UBAC2: variants seen among roughly 807,000 people sequenced by gnomAD.
The protein encoded by UBAC2 is UBA domain containing 2, also known as ubiquitin-associated domain-containing protein 2.
Under a neutral mutation model 44.0 loss-of-function variants are expected in UBAC2, and 26 were observed. That is an observed-to-expected ratio of 0.59 (90% CI 0.43 to 0.82). The LOEUF is 0.82. Ranked by LOEUF, UBAC2 falls within the 40% of genes least tolerant of loss-of-function variation. The pLI is 0.00. For missense variants in UBAC2, 329 were observed against 419.4 expected (o/e 0.78, Z 1.88); for synonymous variants, 155 against 154.3 (o/e 1.00, Z -0.04).
intron 6 of UBAC2, among the ~76,000 whole-genome samples, chr13:99,321,512 T>C (rs536380031): frequency 2.0e-5 from 3 of 152,190 alleles, no homozygotes; most frequent in Admixed American, 6.5e-5. Flanking sequence ...GGTTTCACCA[T>C]GTTGGCCAGG....
intron 1 of UBAC2, among the ~76,000 whole-genome samples, chr13:99,210,568 C>G (rs1354831344): frequency 6.7e-6 from 1 of 149,364 alleles, no homozygotes; most frequent in Non-Finnish European, 1.5e-5. Context: ...ACCTCCGCCT[C>G]CTGGGTTCAA....
At chr13:99,313,921 T>A (rs527708249) in intron 4 of UBAC2, among the ~76,000 whole-genome samples, 176 bp from the exon 5 acceptor site, 1 of 152,348 alleles carries the variant, frequency 6.6e-6, no homozygotes, top group East Asian at 1.9e-4. Flanking sequence ...TTTCATAAAG[T>A]GTTCTATAAG....
intron 4 of UBAC2, among the ~76,000 whole-genome samples, chr13:99,251,870 G>A (rs1042219648): frequency 6.6e-6 from 1 of 152,150 alleles, no homozygotes; most frequent in African/African-American, 2.4e-5. Flanking sequence ...GGGTAGCACC[G>A]AGAATTAAAG....
intron 4 of UBAC2, among the ~76,000 whole-genome samples, chr13:99,311,989 T>C (rs960569145): frequency 2.0e-5 from 3 of 152,264 alleles, no homozygotes; most frequent in African/African-American, 7.2e-5. Context: ...CACATCTCTG[T>C]GTCCCCAGTC....
intron 4 of UBAC2, among the ~76,000 whole-genome samples, chr13:99,298,580 T>TATACAAACAGAAAAAATATACAAAC (rs2044211300): frequency 6.6e-6 from 1 of 152,090 alleles, no homozygotes; most frequent in African/African-American, 2.4e-5. Context: ...TTCAAGAAGC[T>TATACAAACAGAAAAAATATACAAAC]AGAAAAGAAC....
chr13:99,207,642 G>T (rs376506613), intron 1 of UBAC2, among the ~76,000 whole-genome samples: 1 of 152,168 alleles, frequency 6.6e-6, no homozygotes, highest in East Asian at 1.9e-4. Flanking sequence ...TTGGTAGGGA[G>T]CCTTGGGCCA....
At chr13:99,255,543 C>G (rs1381533455) in intron 4 of UBAC2, 1 of 1,614,132 alleles carries the variant, frequency 6.2e-7, no homozygotes, top group South Asian at 1.1e-5. Flanking sequence ...AGGCAAGAAG[C>G]CATAAAGCAA....
chr13:99,242,680 G>T (rs1313641338), intron 2 of UBAC2, among the ~76,000 whole-genome samples: 21 of 1,812 alleles, frequency 0.012, no homozygotes, highest in African/African-American at 0.036. Flanking sequence ...CCGGGCGGGG[G>T]GCTGACCCCC....
intron 4 of UBAC2, chr13:99,312,872 G>T (rs1032579096): frequency 3.9e-5 from 6 of 153,350 alleles, no homozygotes; most frequent in African/African-American, 1.2e-4. Context: ...TGATGAAAGC[G>T]AACTGGGGAG....
chr13:99,253,123 TTATGTA>T (rs1330671584), intron 4 of UBAC2, among the ~76,000 whole-genome samples: 2 of 150,348 alleles, frequency 1.3e-5, no homozygotes, highest in Non-Finnish European at 3.0e-5. Context: ...TAAAGGTACT[TTATGTA>T]TATAAAATAT....
At chr13:99,348,071 G>A (rs2045019160) in intron 7 of UBAC2, among the ~76,000 whole-genome samples, 2 of 152,090 alleles carry the variant, frequency 1.3e-5, no homozygotes, top group African/African-American at 2.4e-5. Context: ...GAGTCATTTT[G>A]CTACTTGCAG....
chr13:99,334,661 GA>G (rs1278650289), intron 6 of UBAC2, among the ~76,000 whole-genome samples: 1 of 151,964 alleles, frequency 6.6e-6, no homozygotes, highest in African/African-American at 2.4e-5. Context: ...ATATATAGCT[GA>G]AAAAAACCAA....
chr13:99,219,502 C>T (rs1039518321), intron 1 of UBAC2, among the ~76,000 whole-genome samples: 4 of 152,176 alleles, frequency 2.6e-5, no homozygotes. Context: ...CCCTGCAGCC[C>T]ATGGGCCATA....
chr13:99,369,185 A>C (rs980340520), intron 8 of UBAC2, among the ~76,000 whole-genome samples: 24 of 152,352 alleles, frequency 1.6e-4, no homozygotes, highest in African/African-American at 5.5e-4. Flanking sequence ...CAAGCATCGT[A>C]ATAAAAATCC....
rs75163487 is a variant in UBAC2, at chr13:99,275,286, G to A, written c.389+30662G>A. ...AGACTCACAGTGCTGTTGGCAGGAAGCCTCAGCTCCTCACCACGGAGCTGC... is the reference window on the plus strand; with the variant it reads ...AGACTCACAGTGCTGTTGGCAGGAAACCTCAGCTCCTCACCACGGAGCTGC... On this transcript the variant is annotated intron_variant, in intron 4 of 8. Transcript: ENST00000403766. Among the ~76,000 whole-genome samples the A allele has an allele frequency of 4.5e-3, 686 of 152,252 alleles. 5 individuals carry two copies. The highest frequency in any genetic ancestry group is 0.015 in the African/African-American group (631 of 41,538).
chr13:99,306,471 A>G (rs763984491), intron 4 of UBAC2, among the ~76,000 whole-genome samples: 7 of 152,028 alleles, frequency 4.6e-5, no homozygotes, highest in Non-Finnish European at 8.8e-5. Context: ...TTATTACACT[A>G]TATTGTACTC....
At chr13:99,228,263 G>A (rs1430538032) in intron 1 of UBAC2, among the ~76,000 whole-genome samples, 2 of 151,942 alleles carry the variant, frequency 1.3e-5, no homozygotes, top group African/African-American at 2.4e-5. Context: ...GGTGCTGGTG[G>A]TAGGAGCAAT....
At chr13:99,257,716 A>G (rs571245619) in intron 4 of UBAC2, among the ~76,000 whole-genome samples, 82 of 152,314 alleles carry the variant, frequency 5.4e-4, no homozygotes, top group South Asian at 3.9e-3. Context: ...CTTAAAAACC[A>G]TTAAGTTATT....
At chr13:99,201,885 C>CA (rs778150585) in intron 1 of UBAC2, among the ~76,000 whole-genome samples, 27 of 152,022 alleles carry the variant, frequency 1.8e-4, no homozygotes, top group Non-Finnish European at 3.7e-4. Context: ...TCCTGGCTAA[C>CA]ACGGTGAAAC....
Sources: gnomAD v4.1 joint callset for allele counts (sites outside exome capture counted in the v4.1 genomes callset) on GRCh38, gnomAD v4.1.1 for gene constraint, MANE v1.5 for transcripts, NCBI Gene and HGNC (gene_info 2026-07-23, HGNC 2026-07-21) for gene names.